FNBP1: variants seen among roughly 807,000 people sequenced by gnomAD.
FNBP1 encodes the protein formin-binding protein 1.
FNBP1 carries 26 observed loss-of-function variants against 90.6 expected under a neutral mutation model. The observed-to-expected ratio is 0.29, with a 90% CI of 0.21 to 0.40. The LOEUF is 0.40. FNBP1 is among the 10% of genes least tolerant of loss of function. The pLI is 1.00. For missense variants in FNBP1, 635 were observed against 768.0 expected, an observed-to-expected ratio of 0.83 and a Z score of 2.05; for synonymous variants, 260 against 265.2, an observed-to-expected ratio of 0.98 and a Z score of 0.19.
At chr9:129,920,233 T>A (rs961442227) in intron 10 of FNBP1, among the ~76,000 whole-genome samples, 3 of 152,210 alleles carry the variant, frequency 2.0e-5, no homozygotes, top group Non-Finnish European at 4.4e-5. Flanking sequence ...CTGCTGATTA[T>A]GGTAAAACAG....
chr9:129,928,549 T>C (rs999955663), intron 7 of FNBP1, among the ~76,000 whole-genome samples: 1 of 151,552 alleles, frequency 6.6e-6, no homozygotes, highest in African/African-American at 2.4e-5. Flanking sequence ...TAATCCCAGC[T>C]ACTCAGGAGG....
At chr9:129,969,862 T>C (rs955573554) in intron 4 of FNBP1, among the ~76,000 whole-genome samples, 2 of 150,956 alleles carry the variant, frequency 1.3e-5, no homozygotes, top group Admixed American at 6.6e-5. Flanking sequence ...ATATAAATTA[T>C]AGCTATAGTA....
intron 4 of FNBP1, among the ~76,000 whole-genome samples, chr9:129,958,759 T>C (rs368262755): frequency 6.6e-6 from 1 of 151,260 alleles, no homozygotes; most frequent in African/African-American, 2.4e-5. Context: ...GGAAGAAGAA[T>C]CGCTTGAGCC....
intron 1 of FNBP1, among the ~76,000 whole-genome samples, chr9:130,039,411 G>A (rs1434538671): frequency 2.0e-5 from 3 of 152,120 alleles, no homozygotes; most frequent in Admixed American, 6.6e-5. Context: ...GAGGTAGCTC[G>A]CGCCTGTAAT....
chr9:129,905,049 G>A (rs2037716796), intron 12 of FNBP1, among the ~76,000 whole-genome samples: 1 of 151,832 alleles, frequency 6.6e-6, no homozygotes, highest in African/African-American at 2.4e-5. Context: ...CAAGCCAAGT[G>A]TAATGTTGTC....
At chr9:129,938,909 T>G (rs923879248) in intron 6 of FNBP1, among the ~76,000 whole-genome samples, 1 of 151,990 alleles carries the variant, frequency 6.6e-6, no homozygotes, top group Admixed American at 6.6e-5. Context: ...GGCCCCCCTT[T>G]CCCCCCTGGT....
At chr9:129,990,960 G>C (rs1383595262) in intron 2 of FNBP1, among the ~76,000 whole-genome samples, 1 of 145,690 alleles carries the variant, frequency 6.9e-6, no homozygotes, top group African/African-American at 2.5e-5. Flanking sequence ...TTGAGATGGA[G>C]TCTTGCTCTG....
At chr9:129,924,132 C>A (rs1247370708) in intron 9 of FNBP1, 106 bp from the exon 10 acceptor site, 12 of 1,170,328 alleles carry the variant, frequency 1.0e-5, no homozygotes, top group Non-Finnish European at 1.2e-5. Flanking sequence ...AAGTAAAACA[C>A]AAACAATTAA....
chr9:129,923,024 T>G (rs887611385), intron 10 of FNBP1, among the ~76,000 whole-genome samples: 1 of 151,822 alleles, frequency 6.6e-6, no homozygotes, highest in Non-Finnish European at 1.5e-5. Context: ...CTTGTCCTAT[T>G]AATTTTTATA....
intron 6 of FNBP1, among the ~76,000 whole-genome samples, chr9:129,949,872 G>T (rs1382657144): frequency 6.6e-6 from 1 of 152,076 alleles, no homozygotes; most frequent in Admixed American, 6.6e-5. Context: ...ATGAACGTAT[G>T]CTTATAGTTC....
chr9:129,958,199 A>G (rs1453241879), intron 5 of FNBP1, among the ~76,000 whole-genome samples: 1 of 152,142 alleles, frequency 6.6e-6, no homozygotes, highest in Non-Finnish European at 1.5e-5. Context: ...TGGGAGGCCG[A>G]GGTGGGCGAA....
intron 5 of FNBP1, among the ~76,000 whole-genome samples, chr9:129,958,261 A>G (rs1038923572): frequency 6.6e-6 from 1 of 152,000 alleles, no homozygotes; most frequent in African/African-American, 2.4e-5. Flanking sequence ...GCAAAACCCC[A>G]TCTCTACCAA....
rs375161488 is a variant in FNBP1 at position 129,924,303 on chromosome 9, C to G, written c.988-277G>C. Among the ~76,000 whole-genome samples, 55 of 152,270 alleles carry G rather than the reference C, an allele frequency of 3.6e-4. 2 individuals are homozygous for G. The South Asian group carries it at 0.011, about 31-fold the overall frequency. On this transcript the variant is annotated intron_variant, in intron 9 of 16. Transcript: ENST00000446176. ...TGCAAACTATAGCTCTAGTTAGTTA[C>G]TCTAAACCAGCTTAAGCCAGAGGGT...
intron 6 of FNBP1, among the ~76,000 whole-genome samples, chr9:129,942,195 C>G (rs2044428161): frequency 6.6e-6 from 1 of 151,930 alleles, no homozygotes; most frequent in African/African-American, 2.4e-5. Context: ...ACATTTCAAA[C>G]AAATAAAGAA....
intron 4 of FNBP1, among the ~76,000 whole-genome samples, chr9:129,977,575 T>TC (rs1056850045): frequency 1.3e-5 from 2 of 150,940 alleles, no homozygotes; most frequent in African/African-American, 4.9e-5. Flanking sequence ...CACTGCAACC[T>TC]CCACCTCCTG....
chr9:129,954,456 A>T (rs1325953767), intron 6 of FNBP1, among the ~76,000 whole-genome samples: 1 of 152,174 alleles, frequency 6.6e-6, no homozygotes, highest in Non-Finnish European at 1.5e-5. Flanking sequence ...TTCAATGAAA[A>T]ATCTTAAATA....
intron 8 of FNBP1, among the ~76,000 whole-genome samples, chr9:129,925,551 G>A (rs556458535): frequency 9.8e-5 from 14 of 142,132 alleles, no homozygotes; most frequent in Middle Eastern, 7.6e-3. Flanking sequence ...GATAACTAAC[G>A]AAATTGTACT....
intron 6 of FNBP1, among the ~76,000 whole-genome samples, chr9:129,954,563 C>T (rs1292243791): frequency 6.6e-6 from 1 of 151,658 alleles, no homozygotes; most frequent in African/African-American, 2.4e-5. Flanking sequence ...GTAAAAAAAA[C>T]TGATTAATGT....
At chr9:129,941,932 G>A (rs1175250997) in intron 6 of FNBP1, among the ~76,000 whole-genome samples, 3 of 151,962 alleles carry the variant, frequency 2.0e-5, no homozygotes, top group African/African-American at 7.2e-5. Flanking sequence ...TTAGCCAGGT[G>A]TGGTGGCAGG....
Sources: gnomAD v4.1 joint callset for allele counts (sites outside exome capture counted in the v4.1 genomes callset) on GRCh38, gnomAD v4.1.1 for gene constraint, MANE v1.5 for transcripts, NCBI Gene and HGNC (gene_info 2026-07-23, HGNC 2026-07-21) for gene names.